BDKRB2: variants seen among roughly 807,000 people sequenced by gnomAD.
The protein encoded by BDKRB2 is bradykinin receptor B2, also known as B2 bradykinin receptor.
A neutral mutation model predicts 4.0 loss-of-function variants in BDKRB2; 6 were observed. The observed-to-expected ratio is 1.49, with a 90% confidence interval of 0.81 to 2.93. The LOEUF (loss-of-function observed/expected upper bound fraction) is 2.93. Among genes scored for constraint, BDKRB2 ranks in the 30% most tolerant of loss-of-function variants. The pLI, the probability that BDKRB2 is intolerant of heterozygous loss-of-function variation, is 0.00. For synonymous variants in BDKRB2, 225 were observed against 215.3 expected (o/e 1.05, Z -0.40); for missense variants, 478 against 520.1 (o/e 0.92, Z 0.79).
At position 96,205,486 on chromosome 14, in the gene BDKRB2, G is replaced by A. The variant is rs867641571; in HGVS notation, c.-40+527G>A. Reference sequence around the variant, plus strand: ...TGGCAGGGTTAAATCAGAAGCAGGCGGGGGTGGGGGGGTTTGTGAATGTTG... The same window carrying A: ...TGGCAGGGTTAAATCAGAAGCAGGCAGGGGTGGGGGGGTTTGTGAATGTTG... On this transcript the variant is annotated intron_variant, in intron 1 of 2. Transcript: ENST00000554311. Among the ~76,000 whole-genome samples the A allele has an allele frequency of 9.2e-5, 14 of 151,974 alleles. No homozygotes were observed. The South Asian group carries it at 1.0e-3, about 11-fold the overall frequency.
At chr14:96,216,720 A>AAGG (rs71397752) in intron 1 of BDKRB2, among the ~76,000 whole-genome samples, 3 of 62,354 alleles carry the variant, frequency 4.8e-5, no homozygotes, top group African/African-American at 1.5e-4. Flanking sequence ...GAGGAAGAGG[A>AAGG]AGGAGGAGGA....
chr14:96,206,117 A>C (rs1300770019), intron 1 of BDKRB2, among the ~76,000 whole-genome samples: 2 of 152,182 alleles, frequency 1.3e-5, no homozygotes, highest in African/African-American at 4.8e-5. Flanking sequence ...CTGGAGAAAA[A>C]ACTGTGCTGC....
At chr14:96,219,572 T>C (rs1174317012) in intron 1 of BDKRB2, among the ~76,000 whole-genome samples, 1 of 148,706 alleles carries the variant, frequency 6.7e-6, no homozygotes, top group South Asian at 2.2e-4. Context: ...AAAAATGCCC[T>C]AACTGTAGCA....
chr14:96,237,250 A>G (rs1890957589), intron 2 of BDKRB2, 69 bp downstream of exon 2: 5 of 1,405,460 alleles, frequency 3.6e-6, no homozygotes, highest in Non-Finnish European at 5.0e-6. Flanking sequence ...AACTCCCTGG[A>G]AAGCTCAACT....
At chr14:96,214,411 G>A (rs1197966239) in intron 1 of BDKRB2, among the ~76,000 whole-genome samples, 5 of 152,184 alleles carry the variant, frequency 3.3e-5, no homozygotes, top group Admixed American at 2.6e-4. Context: ...TGCCAGGGAT[G>A]ACCACACTGG....
intron 1 of BDKRB2, among the ~76,000 whole-genome samples, chr14:96,217,979 C>T (rs1250469951): frequency 6.6e-6 from 1 of 152,114 alleles, no homozygotes; most frequent in Non-Finnish European, 1.5e-5. Flanking sequence ...ACTTACGAGC[C>T]TGTGAGATGG....
chr14:96,240,221 G>A (rs1269764195), intron 2 of BDKRB2, 182 bp from the exon 3 acceptor site: 4 of 1,303,986 alleles, frequency 3.1e-6, no homozygotes, highest in Middle Eastern at 3.0e-4. Context: ...ATCAGAGGGG[G>A]CTCTGTAAGA....
At position 96,241,696 on chromosome 14, in the gene BDKRB2, G is replaced by A. The variant is rs1885299217; in HGVS notation, c.*192G>A. On this transcript the variant is annotated 3_prime_UTR_variant, in exon 3 of 3. Coordinates refer to ENST00000554311, the MANE Select transcript of BDKRB2 (RefSeq NM_001379692.1). ...GGGAGCATGGCTGTGAGGATGGGGTGAACTCACGCACAGCCAAGGACTCCA... is the reference window on the plus strand; with the variant it reads ...GGGAGCATGGCTGTGAGGATGGGGTAAACTCACGCACAGCCAAGGACTCCA... The A allele has an allele frequency of 2.2e-6, 2 of 912,546 alleles. No homozygotes were observed. The highest frequency in any genetic ancestry group is 2.9e-5 in the East Asian group (1 of 34,860). The allele number at this position is 912,546 out of a possible 1,614,324, so 56.5% of individuals were successfully genotyped here.
intron 1 of BDKRB2, among the ~76,000 whole-genome samples, chr14:96,231,929 A>T (rs1014093605): frequency 6.6e-6 from 1 of 152,144 alleles, no homozygotes; most frequent in African/African-American, 2.4e-5. Context: ...CCGCCCTCTG[A>T]CTAAGGATGG....
rs538827354 is a variant in BDKRB2 at position 96,236,015 on chromosome 14, G to A, written c.-39-1054G>A. ...CCATCTGCGCCTTGTTTCCTCCTCTGTGAGGCAAGCACAGAGCCCATGCCT... is the reference window on the plus strand; with the variant it reads ...CCATCTGCGCCTTGTTTCCTCCTCTATGAGGCAAGCACAGAGCCCATGCCT... On this transcript the variant is annotated intron_variant, in intron 1 of 2. Coordinates refer to ENST00000554311, the MANE Select transcript of BDKRB2 (RefSeq NM_001379692.1). Among the ~76,000 whole-genome samples, 4 of 152,264 alleles carry A rather than the reference G, an allele frequency of 2.6e-5. No homozygotes were observed. The South Asian group carries it at 8.3e-4, about 32-fold the overall frequency.
At chr14:96,209,932 G>T (rs776559817) in intron 1 of BDKRB2, among the ~76,000 whole-genome samples, 12 of 152,132 alleles carry the variant, frequency 7.9e-5, no homozygotes, top group Non-Finnish European at 1.5e-4. Context: ...GGAGGCAGAG[G>T]TTGCAGGGAG....
At chr14:96,216,361 T>A (rs1251307705) in intron 1 of BDKRB2, among the ~76,000 whole-genome samples, 1 of 152,074 alleles carries the variant, frequency 6.6e-6, no homozygotes, top group Non-Finnish European at 1.5e-5. Flanking sequence ...CCAGGCATGG[T>A]AGCTCATGCC....
At chr14:96,227,620 C>T (rs1027420010) in intron 1 of BDKRB2, among the ~76,000 whole-genome samples, 2 of 151,670 alleles carry the variant, frequency 1.3e-5, no homozygotes, top group African/African-American at 4.8e-5. Flanking sequence ...CACACACAAA[C>T]ACACACACAT....
chr14:96,226,107 G>A (rs1411472697), intron 1 of BDKRB2, among the ~76,000 whole-genome samples: 1 of 152,168 alleles, frequency 6.6e-6, no homozygotes, highest in Non-Finnish European at 1.5e-5. Context: ...GTGGTTTTTG[G>A]TTTTGCTCTC....
Position 96,242,426 on chromosome 14 carries a change from T to C in BDKRB2, c.*922T>C, listed in dbSNP as rs1164199328. 6.6e-6 allele frequency: 1 copy of C among 152,238 alleles called. No individual in the cohort carries two copies. Among genetic ancestry groups the C allele is most frequent in the African/African-American group, 2.4e-5 (1 of 41,460 alleles). 9.4% of individuals were successfully genotyped at this position (152,238 alleles called of 1,614,324 possible). On this transcript the variant is annotated 3_prime_UTR_variant, in exon 3 of 3. Transcript: ENST00000554311. ...AAGTACTTAGAAAAGCAAAGGGTGC[T>C]ACGTACATGTGAGGCATCATTACGC... is the stretch of plus-strand genomic sequence containing the variant.
chr14:96,233,298 T>G (rs1321223711), intron 1 of BDKRB2: 1 of 152,592 alleles, frequency 6.6e-6, no homozygotes, highest in Non-Finnish European at 1.5e-5. Context: ...CCTCCCAAAG[T>G]GCTGGGGTCA....
In BDKRB2 at chr14:96,241,508, A is replaced by G. The variant is rs1027722302; in HGVS notation, c.*4A>G. On this transcript the variant is annotated 3_prime_UTR_variant, in exon 3 of 3. Transcript: ENST00000554311. ...CTGGGCAGGGAGCAGACAGTGAGCA[A>G]ACGCCAGCAGGGCTGCTGTGAATTT... 11 of 1,518,812 alleles carry G rather than the reference A, an allele frequency of 7.2e-6. No individual in the cohort carries two copies. The highest frequency in any genetic ancestry group is 9.6e-6 in the Non-Finnish European group (11 of 1,141,152). The allele number at this position is 1,518,812 out of a possible 1,614,324, so 94.1% of individuals were successfully genotyped here.
chr14:96,240,780 T>G lies in BDKRB2; in HGVS notation c.452T>G (p.Val151Gly). The G allele has an allele frequency of 1.3e-6, 2 of 1,560,180 alleles. No homozygotes were observed. The highest frequency in any genetic ancestry group is 1.7e-6 in the Non-Finnish European group (2 of 1,154,352). ...AGCAGCATCTGTTTCCTGATGCTGG[T>G]GAGCATCGACCGCTACCTGGCCCTG... Reference protein sequence around the residue: ...LYSSICFLMLVSIDRYLALVK... With the variant: ...LYSSICFLMLGSIDRYLALVK... The change falls in exon 3 of 3, where the codon GTG becomes GGG. Residue 151 changes from valine (V) to glycine (G), a missense_variant. Physicochemically the swap from Val to Gly is moderately radical, Grantham distance 109. Coordinates refer to ENST00000554311, the MANE Select transcript of BDKRB2 (RefSeq NM_001379692.1).
chr14:96,214,501 CACTT>C (rs1890374800), intron 1 of BDKRB2: 1 of 152,330 alleles, frequency 6.6e-6, no homozygotes, highest in Non-Finnish European at 1.5e-5. Context: ...GGAGGCCACA[CACTT>C]ACAGTCCCTC....
Sources: allele counts gnomAD v4.1 joint callset (sites outside exome capture counted in the v4.1 genomes callset), GRCh38; gene constraint gnomAD v4.1.1; transcripts MANE v1.5; gene names NCBI Gene and HGNC (gene_info 2026-07-23, HGNC 2026-07-21).